PPWD1: variants seen among roughly 807,000 people sequenced by gnomAD.
The protein encoded by PPWD1 is peptidylprolyl isomerase domain and WD repeat-containing protein 1.
Under a neutral mutation model 68.8 loss-of-function variants are expected in PPWD1, and 43 were observed. The ratio of observed to expected loss-of-function variants is 0.62; its 90% CI spans 0.49 to 0.81. The LOEUF (loss-of-function observed/expected upper bound fraction) is 0.81. PPWD1 is among the 30% of genes least tolerant of loss of function. The pLI is 0.00. For synonymous variants in PPWD1, 232 were observed against 258.7 expected, an observed-to-expected ratio of 0.90 and a Z score of 0.99; for missense variants, 672 against 804.8, an observed-to-expected ratio of 0.83 and a Z score of 2.00.
intron 1 of PPWD1, among the ~76,000 whole-genome samples, chr5:65,564,330 T>C (rs1752563983): frequency 6.7e-6 from 1 of 148,226 alleles, no homozygotes. Flanking sequence ...TTTTTTTTTT[T>C]TTTTTTTTTT....
At chr5:65,585,921 C>T in intron 9 of PPWD1, 78 bp from the exon 10 acceptor site, 1 of 1,548,234 alleles carries the variant, frequency 6.5e-7, no homozygotes, top group Non-Finnish European at 8.7e-7. Context: ...ATACAAAGCA[C>T]TCTTGGCAGA....
chr5:65,582,763 T>G (rs1753650959), intron 7 of PPWD1: 1 of 235,036 alleles, frequency 4.3e-6, no homozygotes. Context: ...ATTATTCTTG[T>G]TAAATGTTTG....
intron 8 of PPWD1, 32 bp downstream of exon 8, chr5:65,583,251 G>C (rs1237306283): frequency 6.9e-7 from 1 of 1,454,366 alleles, no homozygotes; most frequent in Non-Finnish European, 9.2e-7. Context: ...ATTGGCTTAT[G>C]TAATTAAGAA....
At chr5:65,577,799 C>G (rs1753370828) in intron 6 of PPWD1, among the ~76,000 whole-genome samples, 1 of 152,212 alleles carries the variant, frequency 6.6e-6, no homozygotes, top group South Asian at 2.1e-4. Flanking sequence ...CATATACCCT[C>G]TGCCCCAACA....
In PPWD1 at chr5:65,563,306, ACAACATGG is replaced by A; in HGVS notation, c.-3_5del. ...TGTCGCGCCTTTTCTGACGATGCGA[ACAACATGG>A]CGGCGGAAAGTGGTAGCGATTTTCA... On this transcript the variant is annotated start_lost and 5_prime_UTR_variant, in exon 1 of 11. Transcript: ENST00000261308. The A allele has an allele frequency of 1.2e-6, 2 of 1,610,964 alleles. No individual in the cohort carries two copies. The highest frequency in any genetic ancestry group is 1.7e-6 in the Non-Finnish European group (2 of 1,178,488).
chr5:65,571,262 T>TTA (rs1465902279), intron 4 of PPWD1, among the ~76,000 whole-genome samples: 4 of 152,162 alleles, frequency 2.6e-5, no homozygotes, highest in Non-Finnish European at 4.4e-5. Context: ...TTTGAGTGTT[T>TTA]TAGTACAATT....
In PPWD1 at chr5:65,569,997, G is replaced by C; in HGVS notation, c.520G>C (p.Gly174Arg). The C allele has an allele frequency of 1.9e-6, 3 of 1,608,886 alleles. No individual in the cohort carries two copies. Among genetic ancestry groups the C allele is most frequent in the Non-Finnish European group, 2.5e-6 (3 of 1,177,024 alleles). The change falls in exon 4 of 11, where the codon GGC (glycine) becomes CGC (arginine). Residue 174 changes from glycine to arginine, a missense_variant and splice_region_variant. Physicochemically the swap from Gly to Arg is moderately radical, Grantham distance 125. Around this residue, in one of 2 missense-constraint regions of PPWD1, gnomAD observed 484 missense variants for 646.2 expected, o/e 0.75. Coordinates refer to ENST00000261308, the MANE Select transcript of PPWD1 (RefSeq NM_015342.4). ...NFDMINMLKL[G>R]YFPGQCEWIY... ...TGACATGATCAACATGCTGAAACTT[G>C]GGTGAGTCTTTTTAAAAGTATATAT...
In PPWD1 at chr5:65,582,873, T is replaced by C. The variant is rs1753657349; in HGVS notation, c.1351-165T>C. ...TTCATATTAGACAATGTAAAAATAA[T>C]TTAATTGCCTGACACATCCTGTATG... is the stretch of plus-strand genomic sequence containing the variant. On this transcript the variant is annotated intron_variant, in intron 7 of 10. Coordinates refer to ENST00000261308, the MANE Select transcript of PPWD1 (RefSeq NM_015342.4). 3.4e-6 allele frequency: 3 copies of C among 892,690 alleles called. No individual in the cohort carries two copies. The South Asian group carries it at 8.6e-5, about 26-fold the overall frequency. The allele number at this position is 892,690 out of a possible 1,614,324, so 55.3% of individuals were successfully genotyped here. A position where few individuals can be genotyped will look rare whatever the true frequency, so the allele number is the denominator to read the frequency against.
At chr5:65,566,073 A>T (rs764513568) in intron 1 of PPWD1, among the ~76,000 whole-genome samples, 2 of 152,188 alleles carry the variant, frequency 1.3e-5, no homozygotes, top group Non-Finnish European at 2.9e-5. Flanking sequence ...CTTTATGCCC[A>T]TGTGACCTAG....
chr5:65,567,352 CTG>C (rs1330553795), intron 1 of PPWD1, 159 bp from the exon 2 acceptor site: 14 of 772,416 alleles, frequency 1.8e-5, no homozygotes, highest in Non-Finnish European at 2.0e-5. Flanking sequence ...GACGTTAAAA[CTG>C]AGATAACATA....
intron 5 of PPWD1, 130 bp from the exon 6 acceptor site, chr5:65,576,749 A>G: frequency 7.2e-7 from 1 of 1,385,150 alleles, no homozygotes; most frequent in South Asian, 1.7e-5. Context: ...TAAGAAGTAC[A>G]AACAGTTAGT....
At chr5:65,579,173 T>A (rs1231063985) in intron 6 of PPWD1, 1 of 352,178 alleles carries the variant, frequency 2.8e-6, no homozygotes, top group South Asian at 1.1e-4. Context: ...TGCCTCGGCC[T>A]CCCAAAGTGC....
At chr5:65,570,673 C>T (rs1189724230) in intron 4 of PPWD1, among the ~76,000 whole-genome samples, 1 of 152,020 alleles carries the variant, frequency 6.6e-6, no homozygotes, top group Non-Finnish European at 1.5e-5. Context: ...AAGGTTCCAT[C>T]AGGGTTTGAT....
Position 65,573,867 on chromosome 5 carries a change from T to G in PPWD1, c.969+1581T>G, listed in dbSNP as rs181881593. On this transcript the variant is annotated intron_variant, in intron 5 of 10. Transcript: ENST00000261308. ...TACTCAAATATTTTGAAAGAGTGAC[T>G]CTAGCCATCACTTGTTAGACTGCTA... is the stretch of plus-strand genomic sequence containing the variant. 2.6e-5 allele frequency among the ~76,000 whole-genome samples: 4 copies of G among 152,276 alleles called. No homozygotes were observed. In the East Asian group the frequency reaches 7.7e-4, roughly 29 times the overall value.
chr5:65,577,006 C>G lies in PPWD1; in HGVS notation c.1097C>G (p.Thr366Ser). 6.2e-7 allele frequency: 1 copy of G among 1,614,130 alleles called. No homozygotes were observed. The highest frequency in any genetic ancestry group is 8.5e-7 in the Non-Finnish European group (1 of 1,179,990). Residue 366 changes from threonine to serine, a missense_variant, in exon 6 of 11, where the codon ACT becomes AGT. Thr to Ser is a moderately conservative substitution (Grantham distance 58). Around this residue, in one of 2 missense-constraint regions of PPWD1, gnomAD observed 484 missense variants for 646.2 expected, o/e 0.75. Coordinates refer to ENST00000261308, the MANE Select transcript of PPWD1 (RefSeq NM_015342.4). The part of the protein sequence containing the change: ...VRLINIVFDE[T>S]GHFVLYGTML... The stretch of plus-strand genomic sequence containing the variant: ...TTAATTAATATAGTTTTTGATGAAA[C>G]TGGACACTTCGTGCTGTATGGAACA...
chr5:65,564,490 T>A (rs1752597421), intron 1 of PPWD1, among the ~76,000 whole-genome samples: 1 of 152,046 alleles, frequency 6.6e-6, no homozygotes, highest in African/African-American at 2.4e-5. Context: ...CCAGCTAATT[T>A]TTGTATTTTT....
rs781573122 is a variant in PPWD1, at chr5:65,587,302, T to C, written c.1847T>C (p.Met616Thr). The C allele has an allele frequency of 6.2e-7, 1 of 1,612,570 alleles. No homozygotes were observed. The highest frequency in any genetic ancestry group is 8.5e-7 in the Non-Finnish European group (1 of 1,178,886). Residue 616 changes from methionine to threonine, a missense_variant, in exon 11 of 11, where the codon ATG becomes ACG. Met to Thr is a moderately conservative substitution (Grantham distance 81). Transcript: ENST00000261308. ...HTVFGRVTKG[M>T]EVVQRISNVK... is the part of the protein sequence containing the mutation. ...GTATTTGGACGAGTGACTAAAGGAA[T>C]GGAAGTTGTACAGAGGATCTCCAAC...
chr5:65,570,341 G>A, intron 4 of PPWD1: 2 of 880,590 alleles, frequency 2.3e-6, no homozygotes, highest in Non-Finnish European at 2.7e-6. Flanking sequence ...ATATAGAATT[G>A]AGTTCCTATA....
chr5:65,569,743 C>G lies in PPWD1; in HGVS notation c.400+11C>G, dbSNP rs1269648760. ...TTCGTAGTCACCTGGGTAAGAATTG[C>G]ACCTCATTTTCTTGTAGCTCTTTCC... is the stretch of plus-strand genomic sequence containing the variant. On this transcript the variant is annotated intron_variant, in intron 3 of 10. Coordinates refer to ENST00000261308, the MANE Select transcript of PPWD1 (RefSeq NM_015342.4). The G allele has an allele frequency of 6.2e-7, 1 of 1,602,716 alleles. No homozygotes were observed. Among genetic ancestry groups the G allele is most frequent in the Non-Finnish European group, 8.5e-7 (1 of 1,174,382 alleles).
Sources: gnomAD v4.1 joint callset for allele counts (sites outside exome capture counted in the v4.1 genomes callset) on GRCh38, gnomAD v4.1.1 for gene constraint, gnomAD v4.1.1 regional missense constraint, MANE v1.5 for transcripts, NCBI Gene and HGNC (gene_info 2026-07-23, HGNC 2026-07-21) for gene names.